PSD3: variants seen among roughly 807,000 people sequenced by gnomAD.
PSD3 encodes the protein PH and SEC7 domain-containing protein 3.
Under a neutral mutation model 105.5 loss-of-function variants are expected in PSD3, and 49 were observed. That is an observed-to-expected ratio of 0.46 (90% confidence interval 0.37 to 0.59). PSD3 has a LOEUF of 0.59. Ranked by LOEUF, PSD3 falls within the 20% of genes least tolerant of loss-of-function variation. PSD3 has a pLI of 0.00. For synonymous variants in PSD3, 557 were observed against 457.8 expected (o/e 1.22, Z -2.77); for missense variants, 1,561 against 1,263.8 (o/e 1.24, Z -3.57).
At position 18,804,441 on chromosome 8, in the gene PSD3, T is replaced by G; in HGVS notation, c.1910+81A>C. The G allele has an allele frequency of 4.1e-6, 5 of 1,232,234 alleles. No individual in the cohort carries two copies. In the East Asian group the frequency reaches 1.2e-4, roughly 29 times the overall value. 76.3% of individuals were successfully genotyped at this position (1,232,234 alleles called of 1,614,324 possible). On this transcript the variant is annotated intron_variant, in intron 6 of 15. Transcript: ENST00000327040. ...GAGGTTTAAAAAAAAAAAATAAGAT[T>G]CTAGCTAGAAGACATTACTTTCTTC...
intron 9 of PSD3, among the ~76,000 whole-genome samples, chr8:18,700,080 T>G (rs1214832765): frequency 3.3e-5 from 5 of 152,178 alleles, no homozygotes; most frequent in Admixed American, 3.3e-4. Context: ...CTTATTTCAG[T>G]CAAACCTTAT....
intron 1 of PSD3, among the ~76,000 whole-genome samples, chr8:19,038,658 C>T (rs953374828): frequency 1.3e-5 from 2 of 152,134 alleles, no homozygotes; most frequent in East Asian, 1.9e-4. Flanking sequence ...GACAGGGTCT[C>T]GCCATGTTGC....
intron 4 of PSD3, among the ~76,000 whole-genome samples, chr8:18,836,010 T>C (rs1164712149): frequency 6.6e-6 from 1 of 152,208 alleles, no homozygotes; most frequent in African/African-American, 2.4e-5. Context: ...TAAACCGTGC[T>C]CACCTGGATC....
At chr8:18,856,121 C>T (rs770982407) in intron 4 of PSD3, among the ~76,000 whole-genome samples, 7 of 152,286 alleles carry the variant, frequency 4.6e-5, no homozygotes, top group Middle Eastern at 3.4e-3. Context: ...CCCTGCTCCA[C>T]GCCACCCACA....
At chr8:18,572,761 G>T (rs1034340222) in intron 13 of PSD3, 89 bp from the exon 14 acceptor site, 2 of 1,432,982 alleles carry the variant, frequency 1.4e-6, no homozygotes, top group Non-Finnish European at 1.9e-6. Context: ...ATTTGCAATG[G>T]CATGTGAAAA....
chr8:19,025,845 T>C (rs1322699654), intron 1 of PSD3, among the ~76,000 whole-genome samples: 2 of 152,202 alleles, frequency 1.3e-5, no homozygotes, highest in Non-Finnish European at 2.9e-5. Flanking sequence ...GTAGTGTGAA[T>C]AGAGAAACTG....
At chr8:18,802,281 G>C (rs934623856) in intron 6 of PSD3, 2 of 345,342 alleles carry the variant, frequency 5.8e-6, no homozygotes, top group Admixed American at 3.1e-5. Context: ...TAATCTACTC[G>C]GAGTCACTAA....
In PSD3 at chr8:18,936,190, A is replaced by G. The variant is rs577885929; in HGVS notation, c.22-48T>C. 2.4e-4 allele frequency: 288 copies of G among 1,213,324 alleles called. 1 individual carries two copies. In the African/African-American group the frequency reaches 3.8e-3, roughly 16 times the overall value. 75.2% of individuals were successfully genotyped at this position (1,213,324 alleles called of 1,614,324 possible). A position where few individuals can be genotyped will look rare whatever the true frequency, so the allele number is the denominator to read the frequency against. ...AGACACATTTAAAATACATCATTAA[A>G]AAACACATCATAAAACAAATTATCC... is the stretch of plus-strand genomic sequence containing the variant. On this transcript the variant is annotated intron_variant, in intron 1 of 15. Transcript: ENST00000327040.
intron 9 of PSD3, among the ~76,000 whole-genome samples, chr8:18,751,447 G>C (rs1805484171): frequency 6.6e-6 from 1 of 152,276 alleles, no homozygotes; most frequent in Non-Finnish European, 1.5e-5. Flanking sequence ...AGCGGTGACA[G>C]GGAGGGGTGA....
At chr8:18,609,229 G>C (rs535075248) in intron 11 of PSD3, among the ~76,000 whole-genome samples, 2 of 152,170 alleles carry the variant, frequency 1.3e-5, no homozygotes, top group Non-Finnish European at 2.9e-5. Flanking sequence ...TTAATGAGAA[G>C]TAATTTATTT....
chr8:18,771,231 G>A (rs999665882), intron 8 of PSD3, among the ~76,000 whole-genome samples: 1 of 152,176 alleles, frequency 6.6e-6, no homozygotes, highest in African/African-American at 2.4e-5. Context: ...AGGGATGTAA[G>A]TTCTCACTTT....
chr8:18,557,092 A>G (rs915552134), intron 14 of PSD3, among the ~76,000 whole-genome samples: 1 of 152,216 alleles, frequency 6.6e-6, no homozygotes, highest in African/African-American at 2.4e-5. Flanking sequence ...CACCTTAGCA[A>G]TAGGCTACCC....
chr8:18,769,078 T>G (rs1184632504), intron 8 of PSD3, among the ~76,000 whole-genome samples: 1 of 149,980 alleles, frequency 6.7e-6, no homozygotes, highest in Non-Finnish European at 1.5e-5. Flanking sequence ...CTGTATCAGG[T>G]CAAACAAGGT....
At chr8:18,773,925 T>A (rs1005014104) in intron 8 of PSD3, among the ~76,000 whole-genome samples, 1 of 152,318 alleles carries the variant, frequency 6.6e-6, no homozygotes, top group African/African-American at 2.4e-5. Context: ...TTCTTCAGTA[T>A]TTTGTAGTTT....
chr8:19,024,692 G>A (rs1042825990), intron 1 of PSD3, among the ~76,000 whole-genome samples: 5 of 152,088 alleles, frequency 3.3e-5, no homozygotes, highest in Admixed American at 6.5e-5. Flanking sequence ...CCACACAACC[G>A]ACCTCCAGGA....
chr8:18,569,593 G>T (rs1371741877), intron 14 of PSD3, among the ~76,000 whole-genome samples: 1 of 50,992 alleles, frequency 2.0e-5, no homozygotes, highest in Non-Finnish European at 4.2e-5. Context: ...CACTGCTCAA[G>T]GAAATAAAAG....
intron 1 of PSD3, among the ~76,000 whole-genome samples, chr8:18,986,899 C>G (rs183539748): frequency 5.3e-4 from 81 of 152,184 alleles, no homozygotes; most frequent in Non-Finnish European, 8.1e-4. Flanking sequence ...CCTCACACAC[C>G]GTGGGCCTAC....
chr8:18,566,356 C>T (rs1205389336), intron 14 of PSD3, among the ~76,000 whole-genome samples: 1 of 151,884 alleles, frequency 6.6e-6, no homozygotes, highest in African/African-American at 2.4e-5. Flanking sequence ...GAAACCTTAT[C>T]TCTACTAAAA....
chr8:18,650,728 G>C (rs1191339924), intron 10 of PSD3, among the ~76,000 whole-genome samples: 1 of 152,164 alleles, frequency 6.6e-6, no homozygotes, highest in Non-Finnish European at 1.5e-5. Flanking sequence ...AATGATCCTT[G>C]CTACTAACTT....
Sources: allele counts gnomAD v4.1 joint callset (sites outside exome capture counted in the v4.1 genomes callset), GRCh38; gene constraint gnomAD v4.1.1; transcripts MANE v1.5; gene names NCBI Gene and HGNC (gene_info 2026-07-23, HGNC 2026-07-21).